BCL2L11: variants seen among roughly 807,000 people sequenced by gnomAD.
BCL2L11 encodes BCL2 like 11.
BCL2L11 carries 15 observed loss-of-function variants against 20.6 expected under a neutral mutation model. The ratio of observed to expected loss-of-function variants is 0.73; its 90% CI spans 0.49 to 1.12. The LOEUF (loss-of-function observed/expected upper bound fraction) is 1.12. BCL2L11 is among the 50% of genes most tolerant of loss of function. The probability of loss-of-function intolerance (pLI) is 0.00; values close to 1 mark genes in which losing one functional copy is unlikely to be tolerated. For missense variants in BCL2L11, 292 were observed against 260.9 expected (o/e 1.12, Z -0.82); for synonymous variants, 108 against 92.8 (o/e 1.16, Z -0.94).
At chr2:111,157,996 T>C (rs1383850454) in intron 3 of BCL2L11, among the ~76,000 whole-genome samples, 2 of 152,194 alleles carry the variant, frequency 1.3e-5, no homozygotes, top group Non-Finnish European at 2.9e-5. Flanking sequence ...ATATCCATGT[T>C]GCCTTGGTGA....
chr2:111,157,123 T>C (rs1337519273), intron 3 of BCL2L11, among the ~76,000 whole-genome samples: 1 of 152,172 alleles, frequency 6.6e-6, no homozygotes, highest in Non-Finnish European at 1.5e-5. Context: ...CACGTGTGAG[T>C]GCTCATCTGT....
chr2:111,146,760 A>G (rs1181628068), intron 2 of BCL2L11, among the ~76,000 whole-genome samples: 1 of 152,240 alleles, frequency 6.6e-6, no homozygotes, highest in Non-Finnish European at 1.5e-5. Context: ...CACTTAAGAA[A>G]TAATTGAACT....
intron 2 of BCL2L11, among the ~76,000 whole-genome samples, chr2:111,141,449 G>A (rs563158696): frequency 3.4e-5 from 5 of 147,740 alleles, no homozygotes; most frequent in African/African-American, 1.3e-4. Flanking sequence ...TCACTCATAG[G>A]TGGGAATTGA....
rs918545114 is a variant in BCL2L11 at position 111,124,009 on chromosome 2, G to C, written c.264G>C (p.Leu88=). The C allele has an allele frequency of 3.7e-6, 6 of 1,614,092 alleles. No individual in the cohort carries two copies. Among genetic ancestry groups the C allele is most frequent in the Non-Finnish European group, 5.1e-6 (6 of 1,180,044 alleles). The change falls in exon 2 of 4, where the codon CTG becomes CTC. Residue 88 remains leucine, a synonymous_variant. Coordinates refer to ENST00000393256, the MANE Select transcript of BCL2L11 (RefSeq NM_138621.5). The part of the protein sequence containing the change: ...PLFIFMRRSS[L]LSRSSSGYFS... ...TCATCTTTATGAGAAGATCCTCCCT[G>C]CTGTCTCGATCCTCCAGTGGGTATT...
In BCL2L11 at chr2:111,164,187, C is replaced by CGACTGTTA; in HGVS notation, c.554_561dup (p.Arg188AspfsTer57). The CGACTGTTA allele has an allele frequency of 6.3e-7, 1 of 1,595,048 alleles. No homozygotes were observed. The highest frequency in any genetic ancestry group is 8.6e-7 in the Non-Finnish European group (1 of 1,167,504). On this transcript the variant is annotated frameshift_variant, in exon 4 of 4. Coordinates refer to ENST00000393256, the MANE Select transcript of BCL2L11 (RefSeq NM_138621.5). LOFTEE classifies it high-confidence loss of function. ...AGACCACCCACGAATGGTTATCTTA[C>CGACTGTTA]GACTGTTACGTTACATTGTCCGCCT...
intron 2 of BCL2L11, among the ~76,000 whole-genome samples, chr2:111,141,630 A>T (rs533057126): frequency 0.016 from 2,407 of 151,846 alleles, 60 homozygotes; most frequent in African/African-American, 0.055. Flanking sequence ...TAACCTGCAC[A>T]TTGTGCACAT....
chr2:111,138,152 G>A (rs898398697), intron 2 of BCL2L11, among the ~76,000 whole-genome samples: 2 of 151,770 alleles, frequency 1.3e-5, no homozygotes, highest in Non-Finnish European at 2.9e-5. Flanking sequence ...GGGATTACAG[G>A]CACCCACCAC....
chr2:111,124,739 GATCATTTACAGAAAATAGCTT>G (rs1183080931), intron 2 of BCL2L11, among the ~76,000 whole-genome samples: 93 of 152,142 alleles, frequency 6.1e-4, no homozygotes, highest in African/African-American at 2.2e-3. Flanking sequence ...AAAGGGAACT[GATCATTTACAGAAAATAGCTT>G]AATAATCAAA....
intron 2 of BCL2L11, among the ~76,000 whole-genome samples, chr2:111,139,283 C>T (rs1458261633): frequency 3.9e-5 from 6 of 152,132 alleles, no homozygotes; most frequent in Non-Finnish European, 8.8e-5. Context: ...CCCACCCCAG[C>T]GCTGTCTGAA....
chr2:111,149,139 T>G (rs921172866), intron 2 of BCL2L11, among the ~76,000 whole-genome samples: 5 of 152,194 alleles, frequency 3.3e-5, no homozygotes, highest in Admixed American at 6.5e-5. Flanking sequence ...ACTGTTCACC[T>G]CTGAGTGTAA....
At chr2:111,126,999 CTGTT>C (rs987666510) in intron 2 of BCL2L11, among the ~76,000 whole-genome samples, 1 of 103,746 alleles carries the variant, frequency 9.6e-6, no homozygotes, top group Admixed American at 7.7e-5. Flanking sequence ...TGTATTAACA[CTGTT>C]TTCATATTTT....
rs867022566 is a variant in BCL2L11, at chr2:111,124,140, G to A, written c.394+1G>A. 1.2e-6 allele frequency: 2 copies of A among 1,602,724 alleles called. No individual in the cohort carries two copies. The highest frequency in any genetic ancestry group is 1.1e-5 in the South Asian group (1 of 89,840). On this transcript the variant is annotated splice_donor_variant, in intron 2 of 3. Coordinates refer to ENST00000393256, the MANE Select transcript of BCL2L11 (RefSeq NM_138621.5). LOFTEE classifies it high-confidence loss of function. ...TTCAACCACTATCTCAGTGCAATGGGTAAGCAATGCCTGGGTAAGAGGCAG... is the reference window on the plus strand; with the variant it reads ...TTCAACCACTATCTCAGTGCAATGGATAAGCAATGCCTGGGTAAGAGGCAG...
intron 2 of BCL2L11, among the ~76,000 whole-genome samples, chr2:111,149,400 T>G (rs535933314): frequency 3.9e-5 from 6 of 152,330 alleles, no homozygotes; most frequent in African/African-American, 1.2e-4. Flanking sequence ...CCATGTGGTG[T>G]TTGCAGACTT....
Position 111,123,760 on chromosome 2 carries a change from T to A in BCL2L11, c.15T>A (p.Pro5=), listed in dbSNP as rs774796514. Residue 5 remains proline (P), a synonymous_variant, in exon 2 of 4, where the codon CCT becomes CCA. Coordinates refer to ENST00000393256, the MANE Select transcript of BCL2L11 (RefSeq NM_138621.5). MAKQ[P]SDVSSECDRE... is the part of the protein sequence containing the mutation. Reference sequence around the variant, plus strand: ...AAAAAGACCAAATGGCAAAGCAACCTTCTGATGTAAGTTCTGAGTGTGACC... The same window carrying A: ...AAAAAGACCAAATGGCAAAGCAACCATCTGATGTAAGTTCTGAGTGTGACC... 1 of 1,395,330 alleles carries A rather than the reference T, an allele frequency of 7.2e-7. No homozygotes were observed. The highest frequency in any genetic ancestry group is 2.8e-5 in the Admixed American group (1 of 36,350). 86.4% of individuals were successfully genotyped at this position (1,395,330 alleles called of 1,614,324 possible).
At chr2:111,127,110 C>A (rs946444485) in intron 2 of BCL2L11, among the ~76,000 whole-genome samples, 5 of 152,098 alleles carry the variant, frequency 3.3e-5, no homozygotes, top group Non-Finnish European at 5.9e-5. Context: ...CAATTTTAGT[C>A]TCCTTACACT....
intron 2 of BCL2L11, among the ~76,000 whole-genome samples, chr2:111,125,528 C>T (rs2072389105): frequency 6.6e-6 from 1 of 152,324 alleles, no homozygotes; most frequent in African/African-American, 2.4e-5. Flanking sequence ...AAGGCTAACT[C>T]AACAAACCCA....
chr2:111,125,750 G>A (rs745326466), intron 2 of BCL2L11, among the ~76,000 whole-genome samples: 6 of 152,144 alleles, frequency 3.9e-5, no homozygotes, highest in East Asian at 2.0e-4. Context: ...CTGGCTGCAC[G>A]TCTCTTGCCA....
intron 2 of BCL2L11, among the ~76,000 whole-genome samples, chr2:111,137,329 C>A (rs2075071875): frequency 6.6e-6 from 1 of 152,222 alleles, no homozygotes; most frequent in African/African-American, 2.4e-5. Flanking sequence ...CTGCCCATCT[C>A]CACCTCCCGC....
chr2:111,160,101 T>G (rs2078369790), intron 3 of BCL2L11, among the ~76,000 whole-genome samples: 1 of 152,236 alleles, frequency 6.6e-6, no homozygotes, highest in African/African-American at 2.4e-5. Flanking sequence ...TTTACTGAAC[T>G]GCTGGCCCCT....
Sources: gnomAD v4.1 joint callset for allele counts (sites outside exome capture counted in the v4.1 genomes callset) on GRCh38, gnomAD v4.1.1 for gene constraint, MANE v1.5 for transcripts, NCBI Gene and HGNC (gene_info 2026-07-23, HGNC 2026-07-21) for gene names.